The following NXPE3 variants were observed in gnomAD, a reference collection of about 807,000 sequenced individuals.
NXPE3 encodes the protein neurexophilin and PC-esterase domain family member 3, also known as NXPE family member 3.
NXPE3 carries 26 observed loss-of-function variants against 46.1 expected under a neutral mutation model. That is an observed-to-expected ratio of 0.56 (90% CI 0.41 to 0.78). NXPE3 has a LOEUF of 0.78. Ranked by LOEUF, NXPE3 falls within the 30% of genes least tolerant of loss-of-function variation. The probability of loss-of-function intolerance (pLI) is 0.00; values close to 1 mark genes in which losing one functional copy is unlikely to be tolerated. For missense variants in NXPE3, 620 were observed against 686.0 expected, an observed-to-expected ratio of 0.90 and a Z score of 1.07; for synonymous variants, 272 against 257.9, an observed-to-expected ratio of 1.05 and a Z score of -0.52.
intron 6 of NXPE3, among the ~76,000 whole-genome samples, chr3:101,808,960 G>A (rs897347074): frequency 1.1e-4 from 16 of 150,770 alleles, no homozygotes; most frequent in Non-Finnish European, 1.8e-4. Flanking sequence ...CTCCATGTCC[G>A]ACATCTTCAG....
chr3:101,822,158 C>CTTT lies in NXPE3; in HGVS notation c.*206_*207insTTT. 9 of 540,676 alleles carry CTTT rather than the reference C, an allele frequency of 1.7e-5. No individual in the cohort carries two copies. The highest frequency in any genetic ancestry group is 8.4e-5 in the South Asian group (3 of 35,650). The allele number at this position is 540,676 out of a possible 1,614,324, so 33.5% of individuals were successfully genotyped here. Reference sequence around the variant, plus strand: ...CCTATAGGATTTTATCCAATGTTGACTTAGCCATGGTAGAACTCTTAACTG... The same window carrying CTTT: ...CCTATAGGATTTTATCCAATGTTGACTTTTTAGCCATGGTAGAACTCTTAACTG... On this transcript the variant is annotated 3_prime_UTR_variant, in exon 8 of 8. Coordinates refer to ENST00000273347, the MANE Select transcript of NXPE3 (RefSeq NM_145037.4).
chr3:101,792,694 A>T (rs1403266682), intron 4 of NXPE3, among the ~76,000 whole-genome samples: 1 of 152,158 alleles, frequency 6.6e-6, no homozygotes, highest in Non-Finnish European at 1.5e-5. Context: ...AAGTCAGGTA[A>T]CATGATGACA....
At chr3:101,795,489 G>C (rs1940773465) in intron 4 of NXPE3, among the ~76,000 whole-genome samples, 1 of 148,730 alleles carries the variant, frequency 6.7e-6, no homozygotes, top group Admixed American at 6.8e-5. Flanking sequence ...CTGCACTTCA[G>C]CCTGGGCAAC....
At chr3:101,787,974 T>C (rs757318192) in intron 4 of NXPE3, among the ~76,000 whole-genome samples, 6 of 152,244 alleles carry the variant, frequency 3.9e-5, no homozygotes, top group Non-Finnish European at 8.8e-5. Context: ...CCATATTATT[T>C]TCCATAATAG....
rs1041722512 is a variant in NXPE3, at chr3:101,824,279, G to T, written c.*2325G>T. ...AACATGGCTTGTTTATTATTTTGGG[G>T]GATTTACCAATAACTGGTTTAATTC... On this transcript the variant is annotated 3_prime_UTR_variant, in exon 8 of 8. Transcript: ENST00000273347. 6.6e-6 allele frequency: 1 copy of T among 152,030 alleles called. No homozygotes were observed. Among genetic ancestry groups the T allele is most frequent in the East Asian group, 1.9e-4 (1 of 5,196 alleles). The allele number at this position is 152,030 out of a possible 1,614,324, so 9.4% of individuals were successfully genotyped here.
intron 5 of NXPE3, among the ~76,000 whole-genome samples, chr3:101,805,823 G>A (rs594805): frequency 1 from 151,837 of 152,198 alleles, 75,739 homozygotes; most frequent in Middle Eastern, 1. Context: ...TATAGAAGAA[G>A]TTTTCCTGCA....
intron 4 of NXPE3, among the ~76,000 whole-genome samples, chr3:101,792,033 TC>T (rs556492892): frequency 4.9e-4 from 75 of 152,292 alleles, no homozygotes; most frequent in African/African-American, 1.7e-3. Context: ...TCTCTAATGA[TC>T]AGTGATATTG....
Position 101,801,718 on chromosome 3 carries a change from G to A in NXPE3, c.577G>A (p.Gly193Arg). 1 of 1,614,190 alleles carries A rather than the reference G, an allele frequency of 6.2e-7. No individual in the cohort carries two copies. The highest frequency in any genetic ancestry group is 8.5e-7 in the Non-Finnish European group (1 of 1,180,024). Residue 193 changes from glycine to arginine, a missense_variant, in exon 5 of 8, where the codon GGG becomes AGG. Gly to Arg is a moderately radical substitution (Grantham distance 125). Around this residue, in one of 3 missense-constraint regions of NXPE3, gnomAD observed 511 missense variants for 528.6 expected, o/e 0.97. Transcript: ENST00000273347. Reference sequence around the variant, plus strand: ...CGTATCTCTGGTCCACCCCAGTGAAGGGATCAGAGTTCTTCAGCGCTTACA... The same window carrying A: ...CGTATCTCTGGTCCACCCCAGTGAAAGGATCAGAGTTCTTCAGCGCTTACA... The part of the protein sequence containing the change: ...VSVSLVHPSE[G>R]IRVLQRLQED...
At chr3:101,813,809 AT>A (rs1215078011) in intron 6 of NXPE3, among the ~76,000 whole-genome samples, 1 of 152,258 alleles carries the variant, frequency 6.6e-6, no homozygotes, top group Admixed American at 6.5e-5. Flanking sequence ...GTTATCTTAC[AT>A]GAACTGCATT....
chr3:101,816,492 A>G (rs556989202), intron 6 of NXPE3, among the ~76,000 whole-genome samples: 102 of 151,238 alleles, frequency 6.7e-4, no homozygotes, highest in African/African-American at 2.5e-3. Flanking sequence ...TCATTGTTCA[A>G]CTCCTACTTA....
At chr3:101,784,173 A>T (rs141397308) in intron 3 of NXPE3, among the ~76,000 whole-genome samples, 1 of 152,234 alleles carries the variant, frequency 6.6e-6, no homozygotes, top group Non-Finnish European at 1.5e-5. Context: ...CAAATCAGAA[A>T]AGTATAATGC....
chr3:101,800,808 A>G (rs1941097127), intron 4 of NXPE3, among the ~76,000 whole-genome samples: 1 of 151,868 alleles, frequency 6.6e-6, no homozygotes, highest in Non-Finnish European at 1.5e-5. Context: ...AATTAATATA[A>G]CTACTACTGG....
Position 101,827,498 on chromosome 3 carries a change from A to G in NXPE3, c.*5544A>G, listed in dbSNP as rs1017961854. 1 of 152,212 alleles carries G rather than the reference A, an allele frequency of 6.6e-6. No homozygotes were observed. Among genetic ancestry groups the G allele is most frequent in the African/African-American group, 2.4e-5 (1 of 41,448 alleles). 9.4% of individuals were successfully genotyped at this position (152,212 alleles called of 1,614,324 possible). On this transcript the variant is annotated 3_prime_UTR_variant, in exon 8 of 8. Transcript: ENST00000273347. ...TTGATTGCCGTATTGTAAAAGCTAT[A>G]TGGTAAAAGGTAACTCCCTCCACCC...
At chr3:101,789,948 C>A (rs1940406725) in intron 4 of NXPE3, among the ~76,000 whole-genome samples, 1 of 152,174 alleles carries the variant, frequency 6.6e-6, no homozygotes, top group Admixed American at 6.5e-5. Flanking sequence ...GCCTAAGCCT[C>A]CCAAAGTGCT....
chr3:101,795,060 A>T (rs900994267), intron 4 of NXPE3, among the ~76,000 whole-genome samples: 19 of 152,302 alleles, frequency 1.2e-4, no homozygotes, highest in African/African-American at 4.6e-4. Flanking sequence ...CTGTGATGAT[A>T]ATTGATAAAG....
At chr3:101,799,467 C>T (rs1375430194) in intron 4 of NXPE3, among the ~76,000 whole-genome samples, 1 of 151,982 alleles carries the variant, frequency 6.6e-6, no homozygotes, top group Non-Finnish European at 1.5e-5. Context: ...CATTCTGTCG[C>T]CCAGCCTGGA....
chr3:101,805,297 A>G (rs1941360412), intron 5 of NXPE3, among the ~76,000 whole-genome samples: 1 of 152,202 alleles, frequency 6.6e-6, no homozygotes, highest in Non-Finnish European at 1.5e-5. Context: ...TTCTGTAGCT[A>G]TCTTTTTAAT....
At chr3:101,794,443 G>A (rs1413860612) in intron 4 of NXPE3, among the ~76,000 whole-genome samples, 1 of 152,172 alleles carries the variant, frequency 6.6e-6, no homozygotes, top group Non-Finnish European at 1.5e-5. Flanking sequence ...GGGAGTTTCT[G>A]GCTGTGAAGA....
Position 101,828,152 on chromosome 3 carries a change from G to A in NXPE3, c.*6198G>A, listed in dbSNP as rs905570901. Reference sequence around the variant, plus strand: ...CTGGAAACAATTGATTTGCTCTTACGTATTTGTGTGACTTGACTCTTCAAA... The same window carrying A: ...CTGGAAACAATTGATTTGCTCTTACATATTTGTGTGACTTGACTCTTCAAA... On this transcript the variant is annotated 3_prime_UTR_variant, in exon 8 of 8. Transcript: ENST00000273347. 6.6e-6 allele frequency: 1 copy of A among 152,046 alleles called. No homozygotes were observed. Among genetic ancestry groups the A allele is most frequent in the East Asian group, 1.9e-4 (1 of 5,200 alleles). The allele number at this position is 152,046 out of a possible 1,614,324, so 9.4% of individuals were successfully genotyped here. A position where few individuals can be genotyped will look rare whatever the true frequency, so the allele number is the denominator to read the frequency against.
Sources: allele counts gnomAD v4.1 joint callset (sites outside exome capture counted in the v4.1 genomes callset), GRCh38; gene constraint gnomAD v4.1.1; regional missense constraint gnomAD v4.1.1; transcripts MANE v1.5; gene names NCBI Gene and HGNC (gene_info 2026-07-23, HGNC 2026-07-21).